FBXO11: variants seen among roughly 807,000 people sequenced by gnomAD.
The protein encoded by FBXO11 is F-box protein 11.
A neutral mutation model predicts 117.0 loss-of-function variants in FBXO11; 13 were observed. The ratio of observed to expected loss-of-function variants is 0.11; its 90% CI spans 0.07 to 0.18. FBXO11 has a LOEUF of 0.18. Among genes scored for constraint, FBXO11 ranks in the 10% least tolerant of loss-of-function variants. The pLI is 1.00. For missense variants in FBXO11, 767 were observed against 1,164.4 expected (o/e 0.66, Z 4.97); for synonymous variants, 490 against 380.5 (o/e 1.29, Z -3.35).
intron 1 of FBXO11, among the ~76,000 whole-genome samples, chr2:47,842,165 G>A (rs921427543): frequency 8.6e-5 from 13 of 151,126 alleles, no homozygotes; most frequent in African/African-American, 2.9e-4. Flanking sequence ...ACAGGTGCAC[G>A]CCACTATGGC....
intron 1 of FBXO11, among the ~76,000 whole-genome samples, chr2:47,860,060 T>C (rs1041797693): frequency 6.6e-5 from 10 of 152,186 alleles, no homozygotes; most frequent in Non-Finnish European, 1.5e-4. Flanking sequence ...AGGAGACATG[T>C]CTGTTTTTAA....
intron 1 of FBXO11, among the ~76,000 whole-genome samples, chr2:47,866,204 C>G (rs1049772148): frequency 3.4e-5 from 5 of 148,420 alleles, no homozygotes; most frequent in African/African-American, 1.0e-4. Context: ...TAGGATCTTG[C>G]CACTGCACTT....
intron 1 of FBXO11, among the ~76,000 whole-genome samples, chr2:47,850,127 A>C (rs545471722): frequency 6.6e-6 from 1 of 152,196 alleles, no homozygotes; most frequent in Non-Finnish European, 1.5e-5. Context: ...GAGATACAAG[A>C]TAAAGCTCAT....
Position 47,832,684 on chromosome 2 carries a change from G to GA in FBXO11, c.1154-7dup. ...AACACATACTGCAGAACCAACTGTA[G>GA]AAAAATTATTTATTTATGTAAAAAC... is the stretch of plus-strand genomic sequence containing the variant. On this transcript the variant is annotated splice_region_variant and splice_polypyrimidine_tract_variant and intron_variant, in intron 9 of 22. Coordinates refer to ENST00000403359, the MANE Select transcript of FBXO11 (RefSeq NM_001190274.2). The GA allele has an allele frequency of 6.2e-7, 1 of 1,612,552 alleles. No homozygotes were observed. The highest frequency in any genetic ancestry group is 8.5e-7 in the Non-Finnish European group (1 of 1,179,178).
At position 47,838,776 on chromosome 2, in the gene FBXO11, C is replaced by G. The variant is rs1041448750; in HGVS notation, c.587+83G>C. ...CCAACTAATTGTAACTACCAACTCA[C>G]CGCACCGACTTTCCTACCATGTTTA... On this transcript the variant is annotated intron_variant, in intron 4 of 22. Coordinates refer to ENST00000403359, the MANE Select transcript of FBXO11 (RefSeq NM_001190274.2). 6 of 1,333,494 alleles carry G rather than the reference C, an allele frequency of 4.5e-6. No homozygotes were observed. In the African/African-American group the frequency reaches 8.8e-5, roughly 19 times the overall value. 82.6% of individuals were successfully genotyped at this position (1,333,494 alleles called of 1,614,324 possible). A position where few individuals can be genotyped will look rare whatever the true frequency, so the allele number is the denominator to read the frequency against.
chr2:47,818,638 A>C, intron 16 of FBXO11, 141 bp downstream of exon 16: 1 of 643,806 alleles, frequency 1.6e-6, no homozygotes, highest in South Asian at 2.5e-5. Flanking sequence ...TGACAATTTA[A>C]GTCAAGATTA....
intron 1 of FBXO11, among the ~76,000 whole-genome samples, chr2:47,885,581 A>G (rs909602028): frequency 2.6e-5 from 4 of 152,190 alleles, no homozygotes; most frequent in Non-Finnish European, 5.9e-5. Flanking sequence ...TCTCAAAAAA[A>G]GAAAAAAAAA....
intron 1 of FBXO11, among the ~76,000 whole-genome samples, chr2:47,859,769 A>C (rs1307498236): frequency 6.6e-6 from 1 of 152,218 alleles, no homozygotes. Context: ...TTTTAAGACA[A>C]GGATATTCTT....
Position 47,832,948 on chromosome 2 carries a change from T to A in FBXO11, c.1041+16A>T, listed in dbSNP as rs191217715. The A allele has an allele frequency of 2.1e-5, 34 of 1,604,768 alleles. No individual in the cohort carries two copies. In the Middle Eastern group the frequency reaches 4.9e-4, roughly 23 times the overall value. On this transcript the variant is annotated intron_variant, in intron 8 of 22. Transcript: ENST00000403359. ...TTATGATTTCAATGTGTATTTTAAA[T>A]CTTAACATGTCTTACCCTTATTGTC...
chr2:47,894,149 G>T (rs1243596378), intron 1 of FBXO11, among the ~76,000 whole-genome samples: 1 of 152,144 alleles, frequency 6.6e-6, no homozygotes, highest in Non-Finnish European at 1.5e-5. Flanking sequence ...TTTAGTACAA[G>T]CTTTCACTTG....
chr2:47,905,731 G>A lies in FBXO11; in HGVS notation c.-11C>T. 6.6e-7 allele frequency: 1 copy of A among 1,526,066 alleles called. No homozygotes were observed. The highest frequency in any genetic ancestry group is 8.8e-7 in the Non-Finnish European group (1 of 1,139,396). 94.5% of individuals were successfully genotyped at this position (1,526,066 alleles called of 1,614,324 possible). ...TCGGACGGAGTTCATTTGCCGGGCTGAGGTGGCGGCGTTGGCGGAGGGACA... is the reference window on the plus strand; with the variant it reads ...TCGGACGGAGTTCATTTGCCGGGCTAAGGTGGCGGCGTTGGCGGAGGGACA... On this transcript the variant is annotated 5_prime_UTR_variant, in exon 1 of 23. Coordinates refer to ENST00000403359, the MANE Select transcript of FBXO11 (RefSeq NM_001190274.2).
chr2:47,902,939 C>G (rs2104105528), intron 1 of FBXO11, among the ~76,000 whole-genome samples: 1 of 150,906 alleles, frequency 6.6e-6, no homozygotes, highest in South Asian at 2.1e-4. Context: ...AAAACAAAAA[C>G]CACACATACA....
At chr2:47,820,030 G>GGT (rs1156515342) in intron 14 of FBXO11, among the ~76,000 whole-genome samples, 8 of 152,104 alleles carry the variant, frequency 5.3e-5, no homozygotes, top group Non-Finnish European at 1.5e-5. Flanking sequence ...GTAAAATTCT[G>GGT]GTGTAACAAA....
chr2:47,850,408 T>C (rs1349495719), intron 1 of FBXO11, among the ~76,000 whole-genome samples: 1 of 152,164 alleles, frequency 6.6e-6, no homozygotes, highest in Non-Finnish European at 1.5e-5. Context: ...TAAGAGAATT[T>C]TGTCACTCAG....
chr2:47,901,131 G>GTATATATGTACACACGTGTGTACATGTA (rs1678255730), intron 1 of FBXO11, among the ~76,000 whole-genome samples: 1 of 105,650 alleles, frequency 9.5e-6, no homozygotes, highest in African/African-American at 3.3e-5. Flanking sequence ...GTGTGTACAT[G>GTATATATGTACACACGTGTGTACATGTA]TATATATATA....
intron 4 of FBXO11, among the ~76,000 whole-genome samples, chr2:47,838,501 T>G (rs779533832): frequency 6.8e-6 from 1 of 147,928 alleles, no homozygotes; most frequent in Non-Finnish European, 1.5e-5. Flanking sequence ...GATTCATGAA[T>G]ACAACTGTTT....
chr2:47,851,770 G>A (rs1196074408), intron 1 of FBXO11, among the ~76,000 whole-genome samples: 3 of 152,164 alleles, frequency 2.0e-5, no homozygotes, highest in Non-Finnish European at 2.9e-5. Context: ...GAAATTTCTA[G>A]AAATGTCTTT....
At chr2:47,828,642 C>G (rs1558419674) in intron 11 of FBXO11, among the ~76,000 whole-genome samples, 1 of 150,926 alleles carries the variant, frequency 6.6e-6, no homozygotes, top group Non-Finnish European at 1.5e-5. Context: ...AAAAGGCATT[C>G]AAGAGTTTCA....
intron 1 of FBXO11, among the ~76,000 whole-genome samples, chr2:47,881,397 T>G (rs1558469268): frequency 6.6e-6 from 1 of 152,190 alleles, no homozygotes; most frequent in Non-Finnish European, 1.5e-5. Context: ...GGTTTATAGC[T>G]TTGTTCTAAT....
Sources: allele counts gnomAD v4.1 joint callset (sites outside exome capture counted in the v4.1 genomes callset), GRCh38; gene constraint gnomAD v4.1.1; transcripts MANE v1.5; gene names NCBI Gene and HGNC (gene_info 2026-07-23, HGNC 2026-07-21).